TBXAS1: variants seen among roughly 807,000 people sequenced by gnomAD.
TBXAS1 encodes the protein thromboxane A synthase 1.
TBXAS1 carries 48 observed loss-of-function variants against 60.7 expected under a neutral mutation model. The ratio of observed to expected loss-of-function variants is 0.79; its 90% CI spans 0.63 to 1.01. The LOEUF (loss-of-function observed/expected upper bound fraction) is 1.01. Among genes scored for constraint, TBXAS1 ranks in the 50% least tolerant of loss-of-function variants. TBXAS1 has a pLI of 0.00. For synonymous variants in TBXAS1, 287 were observed against 269.7 expected (o/e 1.06, Z -0.63); for missense variants, 685 against 686.3 (o/e 1.00, Z 0.02).
chr7:139,856,244 TC>T (rs1157059143), intron 1 of TBXAS1, among the ~76,000 whole-genome samples: 1 of 151,580 alleles, frequency 6.6e-6, no homozygotes, highest in African/African-American at 2.4e-5. Context: ...GGAGCGAGAG[TC>T]CTTTAAAATG....
At chr7:139,849,368 C>T (rs1469675344) in intron 1 of TBXAS1, among the ~76,000 whole-genome samples, 1 of 148,834 alleles carries the variant, frequency 6.7e-6, no homozygotes, top group Non-Finnish European at 1.5e-5. Flanking sequence ...AGACCCTGTT[C>T]CCCCAAAAAA....
At chr7:139,799,219 C>T (rs1470710412) in intron 4 of TBXAS1, among the ~76,000 whole-genome samples, 1 of 144,842 alleles carries the variant, frequency 6.9e-6, no homozygotes, top group Non-Finnish European at 1.5e-5. Context: ...CAGGTGCACG[C>T]CATCAAGCCC....
At chr7:140,015,463 G>C (rs965322047) in intron 10 of TBXAS1, among the ~76,000 whole-genome samples, 1 of 152,174 alleles carries the variant, frequency 6.6e-6, no homozygotes, top group African/African-American at 2.4e-5. Context: ...TGAAGGGATG[G>C]ATGAGTACAT....
At chr7:139,932,827 TG>T (rs1807441189) in intron 4 of TBXAS1, among the ~76,000 whole-genome samples, 1 of 152,010 alleles carries the variant, frequency 6.6e-6, no homozygotes, top group African/African-American at 2.4e-5. Flanking sequence ...GAGACCAAGG[TG>T]GGAGGATCTC....
intron 9 of TBXAS1, among the ~76,000 whole-genome samples, chr7:139,992,484 G>A (rs1199815653): frequency 2.0e-5 from 3 of 152,198 alleles, no homozygotes; most frequent in South Asian, 2.1e-4. Context: ...TCTGGGGGCC[G>A]TTTTTACTTT....
chr7:139,978,775 C>CAAAAAAAAAAAAAAAAAA (rs35583867), intron 9 of TBXAS1, among the ~76,000 whole-genome samples: 1 of 90,990 alleles, frequency 1.1e-5, no homozygotes, highest in Non-Finnish European at 2.3e-5. Context: ...CCTGCCTCTA[C>CAAAAAAAAAAAAAAAAAA]AAAAAAAAAA....
In TBXAS1 at chr7:139,936,307, G is replaced by A. The variant is rs775130622; in HGVS notation, c.450G>A (p.Glu150=). ...MSAFSPEKLN[E]MVPLISQACD... is the part of the protein sequence containing the mutation. ...CTTTCAGTCCTGAAAAGCTGAACGA[G>A]GTAAGACATGAGAAATGCAAACTCT... Residue 150 remains glutamate, a splice_region_variant and synonymous_variant, in exon 5 of 13, where the codon GAG becomes GAA. Transcript: ENST00000448866. The A allele has an allele frequency of 7.4e-6, 12 of 1,613,926 alleles. No homozygotes were observed. Among genetic ancestry groups the A allele is most frequent in the Middle Eastern group, 1.6e-4 (1 of 6,062 alleles).
intron 4 of TBXAS1, among the ~76,000 whole-genome samples, chr7:139,810,620 T>C (rs1049488645): frequency 6.6e-6 from 1 of 152,258 alleles, no homozygotes; most frequent in Admixed American, 6.5e-5. Context: ...ATTAACTGCA[T>C]AGTCTTCTTT....
chr7:139,798,657 A>G lies in TBXAS1; in HGVS notation c.-80+11231A>G, dbSNP rs193167238. 2.1e-3 allele frequency among the ~76,000 whole-genome samples: 319 copies of G among 152,348 alleles called. 1 individual carries two copies. Among genetic ancestry groups the G allele is most frequent in the African/African-American group, 7.3e-3 (303 of 41,576 alleles). On this transcript the variant is annotated intron_variant, in intron 4 of 16. Coordinates refer to the TBXAS1 transcript ENST00000336425. ...AAACCATGGTAGTTCTGTTTCAGAT[A>G]AAGTTGTCTCATACCAACCATAATT...
chr7:139,995,200 G>A (rs1813206564), intron 9 of TBXAS1, among the ~76,000 whole-genome samples: 1 of 152,160 alleles, frequency 6.6e-6, no homozygotes, highest in Non-Finnish European at 1.5e-5. Context: ...GAGGGGTCTG[G>A]CACCAGCTTT....
At chr7:139,835,885 C>T (rs1160131375) in intron 1 of TBXAS1, among the ~76,000 whole-genome samples, 3 of 152,184 alleles carry the variant, frequency 2.0e-5, no homozygotes, top group South Asian at 4.1e-4. Flanking sequence ...AACCCTCAGG[C>T]CTCCTCCAGA....
chr7:139,832,234 G>C (rs1798752837), intron 1 of TBXAS1, among the ~76,000 whole-genome samples: 2 of 152,262 alleles, frequency 1.3e-5, no homozygotes, highest in African/African-American at 4.8e-5. Flanking sequence ...TTGAGTGGGA[G>C]AAATATTCAA....
chr7:139,840,312 T>C (rs1306949947), intron 1 of TBXAS1, among the ~76,000 whole-genome samples: 2 of 151,872 alleles, frequency 1.3e-5, no homozygotes, highest in East Asian at 3.9e-4. Flanking sequence ...CAATGGGAGG[T>C]GAGCTCCGGA....
chr7:139,779,066 G>C (rs1406873820), intron 1 of TBXAS1, among the ~76,000 whole-genome samples: 1 of 152,122 alleles, frequency 6.6e-6, no homozygotes, highest in African/African-American at 2.4e-5. Context: ...TAAACCTTTT[G>C]TTTCGATTAT....
At chr7:139,898,609 C>T (rs1804309694) in intron 3 of TBXAS1, among the ~76,000 whole-genome samples, 1 of 151,978 alleles carries the variant, frequency 6.6e-6, no homozygotes, top group East Asian at 1.9e-4. Context: ...CTACGCCCGG[C>T]CTGTGCATGC....
chr7:139,836,956 A>C (rs547829144), intron 1 of TBXAS1, among the ~76,000 whole-genome samples: 2 of 152,322 alleles, frequency 1.3e-5, no homozygotes, highest in South Asian at 4.1e-4. Flanking sequence ...GAACTCAAAC[A>C]AATCAGTAAG....
intron 9 of TBXAS1, among the ~76,000 whole-genome samples, chr7:140,002,936 C>A (rs2116354538): frequency 6.6e-6 from 1 of 152,018 alleles, no homozygotes; most frequent in African/African-American, 2.4e-5. Flanking sequence ...CCAGCCTGAC[C>A]AACACGGTGA....
intron 4 of TBXAS1, among the ~76,000 whole-genome samples, chr7:139,806,726 A>G (rs1162145313): frequency 6.6e-6 from 1 of 151,906 alleles, no homozygotes; most frequent in Non-Finnish European, 1.5e-5. Context: ...CATTATCTCC[A>G]GGGTCTCTGG....
chr7:139,890,020 A>G (rs1285077087), intron 3 of TBXAS1, among the ~76,000 whole-genome samples: 2 of 151,980 alleles, frequency 1.3e-5, no homozygotes, highest in African/African-American at 4.8e-5. Flanking sequence ...TCCACCTCCC[A>G]CCCTCCAACA....
Sources: allele counts gnomAD v4.1 joint callset (sites outside exome capture counted in the v4.1 genomes callset), GRCh38; gene constraint gnomAD v4.1.1; transcripts MANE v1.5; gene names NCBI Gene and HGNC (gene_info 2026-07-23, HGNC 2026-07-21).